SH3D19: variants seen among roughly 807,000 people sequenced by gnomAD.
SH3D19 encodes SH3 domain containing 19, also known as SH3 domain-containing protein 19.
Under a neutral mutation model 112.1 loss-of-function variants are expected in SH3D19, and 58 were observed. That is an observed-to-expected ratio of 0.52 (90% CI 0.42 to 0.64). SH3D19 has a LOEUF of 0.64. SH3D19 is among the 30% of genes least tolerant of loss of function. SH3D19 has a pLI of 0.00. For missense variants in SH3D19, 1,090 were observed against 1,263.4 expected, an observed-to-expected ratio of 0.86 and a Z score of 2.08; for synonymous variants, 391 against 448.5, an observed-to-expected ratio of 0.87 and a Z score of 1.62.
At chr4:151,246,451 G>C (rs945734397) in intron 1 of SH3D19, among the ~76,000 whole-genome samples, 6 of 152,186 alleles carry the variant, frequency 3.9e-5, no homozygotes, top group Non-Finnish European at 7.3e-5. Context: ...CCATTGGTAG[G>C]AGTGGGTATG....
chr4:151,228,803 G>A (rs1474330463), intron 1 of SH3D19, among the ~76,000 whole-genome samples: 5 of 151,570 alleles, frequency 3.3e-5, no homozygotes, highest in Non-Finnish European at 7.4e-5. Context: ...TAAGTGTATG[G>A]ATTTTATTTT....
intron 2 of SH3D19, among the ~76,000 whole-genome samples, chr4:151,214,564 G>A (rs1248092147): frequency 7.0e-6 from 1 of 143,858 alleles, no homozygotes; most frequent in African/African-American, 2.5e-5. Context: ...CCTCCCGGAC[G>A]GGGAGGCTGG....
At chr4:151,214,250 A>G (rs976984561) in intron 2 of SH3D19, among the ~76,000 whole-genome samples, 2 of 151,738 alleles carry the variant, frequency 1.3e-5, no homozygotes, top group Non-Finnish European at 2.9e-5. Flanking sequence ...CAAAATGAAA[A>G]GTCTCCCATG....
At chr4:151,235,324 A>AT (rs1178646084) in intron 1 of SH3D19, among the ~76,000 whole-genome samples, 4 of 152,304 alleles carry the variant, frequency 2.6e-5, no homozygotes, top group Admixed American at 2.6e-4. Flanking sequence ...AAGGTCATAA[A>AT]TTTAACCTGG....
intron 4 of SH3D19, 149 bp downstream of exon 4, chr4:151,179,206 C>T: frequency 4.6e-6 from 2 of 433,282 alleles, no homozygotes; most frequent in Non-Finnish European, 7.7e-6. Context: ...ATCTTTCAAA[C>T]TTATAAGTTA....
chr4:151,196,532 A>C (rs775494339), intron 2 of SH3D19, among the ~76,000 whole-genome samples: 4 of 152,182 alleles, frequency 2.6e-5, no homozygotes, highest in African/African-American at 9.6e-5. Flanking sequence ...TTAGCTTATC[A>C]CTACCTAGAA....
At chr4:151,276,200 A>G (rs1370140347) in intron 1 of SH3D19, among the ~76,000 whole-genome samples, 1 of 152,180 alleles carries the variant, frequency 6.6e-6, no homozygotes, top group Non-Finnish European at 1.5e-5. Context: ...TTAAGTTGCA[A>G]GAGAGCAGTA....
At chr4:151,157,341 A>C (rs187551280) in intron 9 of SH3D19, among the ~76,000 whole-genome samples, 111 of 152,184 alleles carry the variant, frequency 7.3e-4, no homozygotes, top group Non-Finnish European at 1.2e-3. Context: ...AAAAATGCTC[A>C]ACCTCACTAA....
chr4:151,283,315 T>C, intron 1 of SH3D19: 1 of 1,605,338 alleles, frequency 6.2e-7, no homozygotes, highest in Non-Finnish European at 8.5e-7. Flanking sequence ...GAATTTTTTT[T>C]TAAACATGAG....
chr4:151,260,366 C>A (rs2149987661), intron 1 of SH3D19, among the ~76,000 whole-genome samples: 1 of 152,230 alleles, frequency 6.6e-6, no homozygotes, highest in East Asian at 1.9e-4. Context: ...GTAATTTTAC[C>A]ACCATCACTG....
chr4:151,304,043 C>T (rs976880254), intron 1 of SH3D19, among the ~76,000 whole-genome samples: 6 of 151,152 alleles, frequency 4.0e-5, no homozygotes, highest in Non-Finnish European at 8.8e-5. Context: ...GATTCAAACT[C>T]GTAGGCTCAA....
At chr4:151,160,514 A>G (rs1247628760) in intron 8 of SH3D19, among the ~76,000 whole-genome samples, 1 of 152,270 alleles carries the variant, frequency 6.6e-6, no homozygotes, top group Non-Finnish European at 1.5e-5. Context: ...TTTAAAAAGA[A>G]GAAAACCAAG....
intron 1 of SH3D19, among the ~76,000 whole-genome samples, chr4:151,273,846 G>A (rs1255287372): frequency 6.6e-6 from 1 of 152,178 alleles, no homozygotes; most frequent in Non-Finnish European, 1.5e-5. Flanking sequence ...AGCTAAAATT[G>A]TCTGTGAATA....
intron 1 of SH3D19, among the ~76,000 whole-genome samples, chr4:151,299,393 C>A (rs1728112343): frequency 6.6e-6 from 1 of 152,032 alleles, no homozygotes; most frequent in Non-Finnish European, 1.5e-5. Flanking sequence ...CCAGCCTGAC[C>A]AACATGGAGA....
chr4:151,126,436 A>C (rs748789629), intron 19 of SH3D19, among the ~76,000 whole-genome samples: 47 of 152,280 alleles, frequency 3.1e-4, no homozygotes, highest in Non-Finnish European at 5.1e-4. Flanking sequence ...TTCTTCTAGC[A>C]CTGTTCCCAA....
intron 2 of SH3D19, among the ~76,000 whole-genome samples, chr4:151,219,289 T>C (rs890576458): frequency 1.3e-5 from 2 of 152,096 alleles, no homozygotes; most frequent in African/African-American, 4.8e-5. Context: ...TAGGTCAACT[T>C]AGCTATAATC....
chr4:151,133,118 C>T lies in SH3D19; in HGVS notation c.2605G>A (p.Glu869Lys), dbSNP rs1386262573. The T allele has an allele frequency of 6.2e-7, 1 of 1,614,206 alleles. No homozygotes were observed. Among genetic ancestry groups the T allele is most frequent in the Non-Finnish European group, 8.5e-7 (1 of 1,180,012 alleles). The change falls in exon 16 of 20, where the codon GAA becomes AAA. Residue 869 changes from glutamate (E) to lysine (K), a missense_variant. Glu to Lys is a moderately conservative substitution (Grantham distance 56, BLOSUM62 1). Transcript: ENST00000604030. ...AAAATCCCAGTTCTGCCTCGAACTT[C>T]TCCTCTGGCCCATTCCTCATTCACA... ...EYVNEEWARG[E>K]VRGRTGIFPL...
chr4:151,154,640 G>A (rs1213287543), intron 9 of SH3D19, among the ~76,000 whole-genome samples: 1 of 151,632 alleles, frequency 6.6e-6, no homozygotes, highest in Non-Finnish European at 1.5e-5. Context: ...GCAGTGGTGC[G>A]ATCTCAGCTA....
At chr4:151,183,955 C>A (rs1761338821) in intron 3 of SH3D19, among the ~76,000 whole-genome samples, 1 of 152,172 alleles carries the variant, frequency 6.6e-6, no homozygotes, top group South Asian at 2.1e-4. Flanking sequence ...TCAACACCTA[C>A]CACGCACAGT....
Sources: gnomAD v4.1 joint callset for allele counts (sites outside exome capture counted in the v4.1 genomes callset) on GRCh38, gnomAD v4.1.1 for gene constraint, MANE v1.5 for transcripts, NCBI Gene and HGNC (gene_info 2026-07-23, HGNC 2026-07-21) for gene names.